The following PPFIBP2 variants were observed in gnomAD, a reference collection of about 807,000 sequenced individuals.
PPFIBP2 encodes the protein PPFIB scaffold protein 2.
In PPFIBP2, 118 loss-of-function variants were observed where a neutral mutation model predicts 118.3. The observed-to-expected ratio is 1.00, with a 90% CI of 0.86 to 1.16. The LOEUF (loss-of-function observed/expected upper bound fraction) is 1.16. Among genes scored for constraint, PPFIBP2 ranks in the 50% most tolerant of loss-of-function variants. The pLI is 0.00. For synonymous variants in PPFIBP2, 414 were observed against 397.4 expected (o/e 1.04, Z -0.50); for missense variants, 1,195 against 1,073.1 (o/e 1.11, Z -1.59).
At chr11:7,521,559 CT>C (rs1849762197) in intron 1 of PPFIBP2, among the ~76,000 whole-genome samples, 1 of 152,234 alleles carries the variant, frequency 6.6e-6, no homozygotes, top group Non-Finnish European at 1.5e-5. Context: ...TCCCTTGCCC[CT>C]AAGTCGTTTT....
chr11:7,517,124 G>A (rs940900401), intron 1 of PPFIBP2, among the ~76,000 whole-genome samples: 1 of 152,160 alleles, frequency 6.6e-6, no homozygotes, highest in Non-Finnish European at 1.5e-5. Flanking sequence ...AGTTTTAGTG[G>A]CTTTTATTAT....
At chr11:7,520,504 A>G (rs1050204106) in intron 1 of PPFIBP2, among the ~76,000 whole-genome samples, 1 of 150,878 alleles carries the variant, frequency 6.6e-6, no homozygotes, top group African/African-American at 2.4e-5. Context: ...CTTGGCCATA[A>G]GATTTTTTTT....
chr11:7,644,713 G>GT (rs1260342957), intron 17 of PPFIBP2, among the ~76,000 whole-genome samples: 1 of 152,146 alleles, frequency 6.6e-6, no homozygotes, highest in African/African-American at 2.4e-5. Flanking sequence ...AGGGCCAGGT[G>GT]TTTTGAAAAT....
chr11:7,569,873 G>A (rs1590286895), intron 3 of PPFIBP2, among the ~76,000 whole-genome samples: 2 of 152,320 alleles, frequency 1.3e-5, no homozygotes, highest in Admixed American at 6.5e-5. Context: ...TTACTATGGT[G>A]AAATGTAGGA....
At chr11:7,563,923 T>C (rs536224111) in intron 2 of PPFIBP2, among the ~76,000 whole-genome samples, 55 of 152,164 alleles carry the variant, frequency 3.6e-4, no homozygotes, top group Non-Finnish European at 6.9e-4. Context: ...CCCAGCACTT[T>C]GGTAGGCCAA....
At chr11:7,629,343 T>C in intron 9 of PPFIBP2, 116 bp from the exon 10 acceptor site, 1 of 1,000,448 alleles carries the variant, frequency 1.0e-6, no homozygotes, top group Non-Finnish European at 1.6e-6. Context: ...CTCTTTTCCT[T>C]TGGTTCCACG....
At chr11:7,544,705 C>T (rs1268079649) in intron 1 of PPFIBP2, among the ~76,000 whole-genome samples, 5 of 138,960 alleles carry the variant, frequency 3.6e-5, no homozygotes, top group East Asian at 2.3e-4. Flanking sequence ...ACCCGGGAGG[C>T]GGAGGTTGCA....
intron 11 of PPFIBP2, among the ~76,000 whole-genome samples, chr11:7,631,702 T>G (rs1332615249): frequency 6.6e-6 from 1 of 152,160 alleles, no homozygotes; most frequent in Non-Finnish European, 1.5e-5. Flanking sequence ...ATCTTAGTGC[T>G]TCAGTTCAAC....
intron 3 of PPFIBP2, among the ~76,000 whole-genome samples, chr11:7,583,041 C>G (rs1243838354): frequency 2.6e-5 from 4 of 152,202 alleles, no homozygotes; most frequent in African/African-American, 9.6e-5. Flanking sequence ...AACTTACCTT[C>G]CTTTCACTGT....
chr11:7,620,884 A>G (rs1344696427), intron 6 of PPFIBP2, 51 bp from the exon 7 acceptor site: 3 of 1,374,206 alleles, frequency 2.2e-6, no homozygotes, highest in South Asian at 2.3e-5. Flanking sequence ...TGGTAAATCA[A>G]GAGCACATCT....
At chr11:7,602,407 C>G (rs1006940625) in intron 5 of PPFIBP2, among the ~76,000 whole-genome samples, 3 of 152,114 alleles carry the variant, frequency 2.0e-5, no homozygotes, top group Non-Finnish European at 4.4e-5. Context: ...GTGATATAAT[C>G]GAGGCCTGTG....
At chr11:7,565,295 C>G (rs79597303) in intron 2 of PPFIBP2, among the ~76,000 whole-genome samples, 1 of 152,300 alleles carries the variant, frequency 6.6e-6, no homozygotes, top group African/African-American at 2.4e-5. Context: ...GGGTCTCACT[C>G]TGTTGCCCAG....
intron 3 of PPFIBP2, among the ~76,000 whole-genome samples, chr11:7,567,914 G>A (rs74916195): frequency 3.1e-4 from 47 of 152,292 alleles, no homozygotes; most frequent in East Asian, 1.2e-3. Context: ...TTTAAGAAGC[G>A]CTGCGTTCAA....
chr11:7,597,085 T>G (rs1860464117), intron 4 of PPFIBP2: 2 of 1,209,088 alleles, frequency 1.7e-6, no homozygotes, highest in Non-Finnish European at 2.2e-6. Flanking sequence ...CTTAATTGCA[T>G]CAAAACACTC....
downstream of PPFIBP2, among the ~76,000 whole-genome samples, chr11:7,654,728 T>G (rs1854525525): frequency 6.6e-6 from 1 of 152,242 alleles, no homozygotes; most frequent in African/African-American, 2.4e-5. Context: ...CCCTTGTTTC[T>G]TATGTTGCGG....
At chr11:7,657,857 C>A (rs1269727178), downstream of PPFIBP2, among the ~76,000 whole-genome samples, 1 of 152,226 alleles carries the variant, frequency 6.6e-6, no homozygotes, top group Non-Finnish European at 1.5e-5. Flanking sequence ...TGTCGTCTTA[C>A]CATACCCGTC....
chr11:7,637,872 A>G (rs1398669871), intron 14 of PPFIBP2, among the ~76,000 whole-genome samples: 1 of 152,084 alleles, frequency 6.6e-6, no homozygotes, highest in Non-Finnish European at 1.5e-5. Context: ...TGGGTTAGGT[A>G]TGTGTTCTCC....
intron 3 of PPFIBP2, among the ~76,000 whole-genome samples, chr11:7,569,326 C>T (rs1278138228): frequency 2.0e-5 from 3 of 152,152 alleles, no homozygotes; most frequent in South Asian, 2.1e-4. Flanking sequence ...AAAACAGAGG[C>T]GACTAGTTCT....
chr11:7,593,362 T>C (rs1348986412), intron 4 of PPFIBP2, 138 bp downstream of exon 4: 1 of 1,307,416 alleles, frequency 7.6e-7, no homozygotes, highest in South Asian at 1.6e-5. Context: ...GAAAAGACTT[T>C]TCCTGAAATA....
Sources: gnomAD v4.1 joint callset for allele counts (sites outside exome capture counted in the v4.1 genomes callset) on GRCh38, gnomAD v4.1.1 for gene constraint, MANE v1.5 for transcripts, NCBI Gene and HGNC (gene_info 2026-07-23, HGNC 2026-07-21) for gene names.